Variants in USP31 observed in about 807,000 individuals in gnomAD.
USP31 encodes the protein ubiquitin specific peptidase 31.
Under a neutral mutation model 119.4 loss-of-function variants are expected in USP31, and 44 were observed. The ratio of observed to expected loss-of-function variants is 0.37; its 90% CI spans 0.29 to 0.47. The LOEUF is 0.47. USP31 is among the 20% of genes least tolerant of loss of function. USP31 has a pLI of 0.99. For synonymous variants in USP31, 749 were observed against 705.6 expected, an observed-to-expected ratio of 1.06 and a Z score of -0.97; for missense variants, 1,643 against 1,730.2, an observed-to-expected ratio of 0.95 and a Z score of 0.89.
In USP31 at chr16:23,149,274, G is replaced by T. The variant is rs935604201; in HGVS notation, c.-4C>A. On this transcript the variant is annotated 5_prime_UTR_variant, in exon 1 of 16. Coordinates refer to ENST00000219689, the MANE Select transcript of USP31 (RefSeq NM_020718.4). ...CAGGCGCCGTTACCTTGGACATGGC[G>T]GCGGCCGCAGACACTCATCACCGCG... 9.3e-7 allele frequency: 1 copy of T among 1,078,160 alleles called. No individual in the cohort carries two copies. The highest frequency in any genetic ancestry group is 1.1e-6 in the Non-Finnish European group (1 of 891,042). 66.8% of individuals were successfully genotyped at this position (1,078,160 alleles called of 1,614,324 possible).
At chr16:23,117,883 G>A (rs985885803) in intron 1 of USP31, among the ~76,000 whole-genome samples, 14 of 151,900 alleles carry the variant, frequency 9.2e-5, no homozygotes, top group Non-Finnish European at 1.8e-4. Flanking sequence ...TCCGCCTCCC[G>A]GGTTCAAGCA....
intron 13 of USP31, among the ~76,000 whole-genome samples, chr16:23,077,112 T>A (rs1164394699): frequency 2.0e-5 from 3 of 152,248 alleles, no homozygotes; most frequent in African/African-American, 4.8e-5. Flanking sequence ...AACATTTAAT[T>A]CACATTAACT....
intron 15 of USP31, among the ~76,000 whole-genome samples, chr16:23,070,501 C>G (rs1900299149): frequency 6.6e-6 from 1 of 152,112 alleles, no homozygotes; most frequent in Non-Finnish European, 1.5e-5. Context: ...ATCACGATGT[C>G]AGGAGATCGA....
intron 2 of USP31, 114 bp from the exon 3 acceptor site, chr16:23,106,601 G>C (rs1902116653): frequency 9.2e-7 from 1 of 1,089,976 alleles, no homozygotes; most frequent in African/African-American, 1.6e-5. Flanking sequence ...TGCATCAAGT[G>C]CAGATACTTC....
At chr16:23,108,014 G>A in intron 2 of USP31, 32 bp downstream of exon 2, 1 of 1,584,820 alleles carries the variant, frequency 6.3e-7, no homozygotes, top group Non-Finnish European at 8.6e-7. Context: ...CTCATGGCTG[G>A]CTGACTGCCC....
At position 23,067,750 on chromosome 16, in the gene USP31, G is replaced by T. The variant is rs1900135279; in HGVS notation, c.*296C>A. On this transcript the variant is annotated 3_prime_UTR_variant, in exon 16 of 16. Transcript: ENST00000219689. ...GAAAGTCATTAGAGTTCTCTAGAAA[G>T]AAATATGTACAATTGCTAAAGGGAC... 1 of 238,784 alleles carries T rather than the reference G, an allele frequency of 4.2e-6. No homozygotes were observed. Among genetic ancestry groups the T allele is most frequent in the Non-Finnish European group, 8.1e-6 (1 of 123,664 alleles). The allele number at this position is 238,784 out of a possible 1,614,324, so 14.8% of individuals were successfully genotyped here. A position where few individuals can be genotyped will look rare whatever the true frequency, so the allele number is the denominator to read the frequency against.
At chr16:23,087,547 T>A (rs766328775) in intron 8 of USP31, among the ~76,000 whole-genome samples, 177 bp downstream of exon 8, 1 of 152,202 alleles carries the variant, frequency 6.6e-6, no homozygotes, top group Non-Finnish European at 1.5e-5. Context: ...ATAAATATTA[T>A]AAAGGAATAT....
rs1461555073 is a variant in USP31 at position 23,067,466 on chromosome 16, A to C, written c.*580T>G. ...GTGTGCAACCATCCTAGACTAGCTG[A>C]GTATATACCTGAGAAACATTAGTGT... On this transcript the variant is annotated 3_prime_UTR_variant, in exon 16 of 16. Transcript: ENST00000219689. 6.5e-6 allele frequency: 1 copy of C among 152,868 alleles called. No homozygotes were observed. The highest frequency in any genetic ancestry group is 1.5e-5 in the Non-Finnish European group (1 of 68,214). 9.5% of individuals were successfully genotyped at this position (152,868 alleles called of 1,614,324 possible). A position where few individuals can be genotyped will look rare whatever the true frequency, so the allele number is the denominator to read the frequency against.
At chr16:23,109,126 T>G (rs1479037059) in intron 1 of USP31, among the ~76,000 whole-genome samples, 1 of 152,176 alleles carries the variant, frequency 6.6e-6, no homozygotes, top group African/African-American at 2.4e-5. Context: ...AACATAGAGA[T>G]GAACAGATAA....
chr16:23,083,711 G>GGGGGGGGAA (rs1900952743), intron 11 of USP31, among the ~76,000 whole-genome samples: 1 of 30,146 alleles, frequency 3.3e-5, no homozygotes, highest in Non-Finnish European at 5.8e-5. Flanking sequence ...GGGGGGGGGG[G>GGGGGGGGAA]AAGGGGTGAA....
intron 1 of USP31, among the ~76,000 whole-genome samples, chr16:23,109,348 C>G (rs546764340): frequency 2.0e-4 from 31 of 152,100 alleles, no homozygotes; most frequent in Non-Finnish European, 3.5e-4. Context: ...GACACAGGAA[C>G]CAATCTAAAA....
intron 6 of USP31, among the ~76,000 whole-genome samples, chr16:23,098,396 GC>G: frequency 6.6e-6 from 1 of 152,210 alleles, no homozygotes; most frequent in Non-Finnish European, 1.5e-5. Context: ...TGGCCATACT[GC>G]CCAGGGTAAT....
intron 2 of USP31, 55 bp downstream of exon 2, chr16:23,107,991 G>C (rs1902176995): frequency 4.5e-6 from 7 of 1,544,498 alleles, no homozygotes; most frequent in Middle Eastern, 4.3e-4. Flanking sequence ...CTCAGTAGAA[G>C]AATCTACACA....
In USP31 at chr16:23,068,803, G is replaced by A. The variant is rs566732624; in HGVS notation, c.3302C>T (p.Pro1101Leu). 23 of 1,557,856 alleles carry A rather than the reference G, an allele frequency of 1.5e-5. 1 individual carries two copies. The Admixed American group carries it at 1.5e-4, about 10-fold the overall frequency. ...APAQPKKESS[P>L]KSQDSVSSPS... ...AGATGACACGGAGTCCTGAGATTTC[G>A]GGGATGACTCCTTTTTGGGTTGGGC... Residue 1101 changes from proline to leucine, a missense_variant, in exon 16 of 16, where the codon CCG (proline) becomes CTG (leucine). Coordinates refer to ENST00000219689, the MANE Select transcript of USP31 (RefSeq NM_020718.4).
chr16:23,124,956 G>A (rs1342797536), intron 1 of USP31, among the ~76,000 whole-genome samples: 1 of 152,094 alleles, frequency 6.6e-6, no homozygotes, highest in Non-Finnish European at 1.5e-5. Context: ...AAAACAATCA[G>A]ACTTGCAAAG....
intron 1 of USP31, among the ~76,000 whole-genome samples, chr16:23,133,648 G>A (rs1303090207): frequency 6.6e-6 from 1 of 152,138 alleles, no homozygotes; most frequent in Non-Finnish European, 1.5e-5. Flanking sequence ...TCAGTTATCG[G>A]TCAATTCAGG....
At chr16:23,136,567 T>C (rs560936001) in intron 1 of USP31, among the ~76,000 whole-genome samples, 4 of 151,896 alleles carry the variant, frequency 2.6e-5, no homozygotes, top group East Asian at 1.9e-4. Flanking sequence ...AGCAGGAAAA[T>C]TGCTTGAGCC....
rs3169494 is a variant in USP31 at position 23,064,851 on chromosome 16, A to G, written c.*3195T>C. On this transcript the variant is annotated 3_prime_UTR_variant, in exon 16 of 16. Transcript: ENST00000219689. ...AATGAATGATGAAAACAAGATTGCA[A>G]AAGCGTGTCAGGCAGCCTCACAGAT... is the stretch of plus-strand genomic sequence containing the variant. 25,362 of 152,136 alleles carry G rather than the reference A, an allele frequency of 0.17. 2,613 individuals carry two copies. Among genetic ancestry groups the G allele is most frequent in the Admixed American group, 0.26 (4,011 of 15,276 alleles). The allele number at this position is 152,136 out of a possible 1,614,324, so 9.4% of individuals were successfully genotyped here.
intron 1 of USP31, among the ~76,000 whole-genome samples, chr16:23,111,753 G>T (rs773544325): frequency 4.6e-5 from 7 of 152,168 alleles, no homozygotes; most frequent in Non-Finnish European, 1.0e-4. Context: ...AACCATCAAA[G>T]ATGTTGTGAG....
Sources: gnomAD v4.1 joint callset for allele counts (sites outside exome capture counted in the v4.1 genomes callset) on GRCh38, gnomAD v4.1.1 for gene constraint, MANE v1.5 for transcripts, NCBI Gene and HGNC (gene_info 2026-07-23, HGNC 2026-07-21) for gene names.